The following FBXL2 variants were observed in gnomAD, a reference collection of about 807,000 sequenced individuals.
FBXL2 encodes the protein F-box/LRR-repeat protein 2.
FBXL2 carries 38 observed loss-of-function variants against 69.2 expected under a neutral mutation model. That is an observed-to-expected ratio of 0.55 (90% CI 0.42 to 0.72). The LOEUF is 0.72. FBXL2 is among the 30% of genes least tolerant of loss of function. The probability of loss-of-function intolerance (pLI) is 0.00; values close to 1 mark genes in which losing one functional copy is unlikely to be tolerated. For missense variants in FBXL2, 354 were observed against 520.3 expected (o/e 0.68, Z 3.11); for synonymous variants, 192 against 201.3 (o/e 0.95, Z 0.39).
At chr3:33,414,458 G>C in the FBXL2 span, among the ~76,000 whole-genome samples, 16 of 152,098 alleles carry the variant, frequency 1.1e-4, 1 homozygote, top group Admixed American at 1.0e-3. Context: ...GACGAAAACA[G>C]AACAATCAGA....
chr3:33,412,687 C>A, the FBXL2 span: 1 of 1,333,156 alleles, frequency 7.5e-7, no homozygotes, highest in Non-Finnish European at 1.1e-6. Flanking sequence ...TAAACAATAC[C>A]CTCATCTCCA....
chr3:33,376,251 T>C (rs1275732687), intron 10 of FBXL2, among the ~76,000 whole-genome samples: 2 of 152,208 alleles, frequency 1.3e-5, no homozygotes, highest in East Asian at 1.9e-4. Context: ...TTAACAATGG[T>C]AACAATAGTT....
chr3:33,407,028 A>C (rs1169871169), downstream of FBXL2, among the ~76,000 whole-genome samples: 1 of 152,218 alleles, frequency 6.6e-6, no homozygotes, highest in Non-Finnish European at 1.5e-5. Context: ...ACTCTATGAA[A>C]TGTTGGCCTT....
intron 2 of FBXL2, among the ~76,000 whole-genome samples, chr3:33,313,114 G>A (rs528061539): frequency 2.2e-5 from 3 of 134,638 alleles, no homozygotes; most frequent in African/African-American, 3.1e-5. Flanking sequence ...GTGAGACTCC[G>A]TCTCCAAGAA....
the FBXL2 span, among the ~76,000 whole-genome samples, chr3:33,413,793 G>A: frequency 1.8e-4 from 28 of 152,190 alleles, no homozygotes; most frequent in African/African-American, 6.7e-4. Context: ...CACACCTGCA[G>A]GGCCTGTCCA....
At chr3:33,301,797 A>G (rs567681005) in intron 2 of FBXL2, among the ~76,000 whole-genome samples, 1 of 152,232 alleles carries the variant, frequency 6.6e-6, no homozygotes, top group East Asian at 1.9e-4. Context: ...TGCAACCATT[A>G]TCTATTAGTG....
chr3:33,313,572 A>C (rs1319379138), intron 2 of FBXL2, among the ~76,000 whole-genome samples: 1 of 151,828 alleles, frequency 6.6e-6, no homozygotes, highest in Non-Finnish European at 1.5e-5. Context: ...CAGCCTTCCA[A>C]GCATCTGGGA....
At chr3:33,378,045 A>G (rs2042758933) in intron 11 of FBXL2, 58 bp from the exon 12 acceptor site, 5 of 1,545,028 alleles carry the variant, frequency 3.2e-6, no homozygotes, top group Non-Finnish European at 4.5e-6. Context: ...AGGGCAAGCC[A>G]CCATTGTTGC....
chr3:33,357,192 G>A lies in FBXL2; in HGVS notation c.66-1775G>A, dbSNP rs76233423. Among the ~76,000 whole-genome samples, 1,052 of 152,326 alleles carry A rather than the reference G, an allele frequency of 6.9e-3. 5 individuals carry two copies. Among genetic ancestry groups the A allele is most frequent in the Admixed American group, 0.011 (161 of 15,292 alleles). Reference sequence around the variant, plus strand: ...TTACCAGTATTGTTATTACTGAGACGTGATAAAGGTGGTATGCTCTTAAGG... The same window carrying A: ...TTACCAGTATTGTTATTACTGAGACATGATAAAGGTGGTATGCTCTTAAGG... On this transcript the variant is annotated intron_variant, in intron 2 of 14. Coordinates refer to ENST00000484457, the MANE Select transcript of FBXL2 (RefSeq NM_012157.5).
chr3:33,339,075 CACAA>C (rs374243047), intron 2 of FBXL2, among the ~76,000 whole-genome samples: 113 of 151,906 alleles, frequency 7.4e-4, no homozygotes, highest in Admixed American at 1.5e-3. Context: ...TAAATAAATT[CACAA>C]ACAAACAAAC....
chr3:33,397,346 A>C (rs1367140448), intron 12 of FBXL2: 1 of 402,490 alleles, frequency 2.5e-6, no homozygotes, highest in Admixed American at 4.4e-5. Flanking sequence ...ATCAAGAAGG[A>C]GCTTAGAAGT....
chr3:33,358,634 T>C (rs2041388245), intron 2 of FBXL2, among the ~76,000 whole-genome samples: 1 of 152,214 alleles, frequency 6.6e-6, no homozygotes, highest in African/African-American at 2.4e-5. Context: ...GTTCAGTGCA[T>C]CTACCACCAA....
At chr3:33,418,074 C>G in the FBXL2 span, among the ~76,000 whole-genome samples, 1 of 151,996 alleles carries the variant, frequency 6.6e-6, no homozygotes. Flanking sequence ...GATATATGCA[C>G]TATATTTAAC....
At chr3:33,422,562 ATT>A in the FBXL2 span, among the ~76,000 whole-genome samples, 1 of 151,746 alleles carries the variant, frequency 6.6e-6, no homozygotes, top group Non-Finnish European at 1.5e-5. Flanking sequence ...CTCTACGAAA[ATT>A]TTTTTTAAAA....
At chr3:33,348,760 G>GT (rs953066924) in intron 2 of FBXL2, among the ~76,000 whole-genome samples, 15 of 151,724 alleles carry the variant, frequency 9.9e-5, no homozygotes, top group African/African-American at 3.1e-4. Context: ...ATATCTTTCT[G>GT]TTTTTTTGTG....
At chr3:33,277,167 C>T (rs1037724832), upstream of FBXL2, 5 of 274,620 alleles carry the variant, frequency 1.8e-5, no homozygotes, top group Non-Finnish European at 3.2e-5. Flanking sequence ...TCATGCATTA[C>T]CTGTATAACG....
intron 1 of FBXL2, chr3:33,289,718 G>C (rs1364742085): frequency 1.0e-6 from 1 of 984,930 alleles, no homozygotes; most frequent in Non-Finnish European, 1.2e-6. Context: ...CTTTTCCCAT[G>C]GGCCTTCAAT....
At chr3:33,372,780 T>C (rs1305981846) in intron 5 of FBXL2, 3 of 476,522 alleles carry the variant, frequency 6.3e-6, no homozygotes, top group East Asian at 7.8e-5. Flanking sequence ...TCTATTCTCA[T>C]GATTCGGTGA....
At chr3:33,324,241 A>C (rs2038492885) in intron 2 of FBXL2, among the ~76,000 whole-genome samples, 1 of 151,938 alleles carries the variant, frequency 6.6e-6, no homozygotes, top group African/African-American at 2.4e-5. Context: ...ATGTTCTCCC[A>C]TTCTGTAGGT....
Sources: gnomAD v4.1 joint callset for allele counts (sites outside exome capture counted in the v4.1 genomes callset) on GRCh38, gnomAD v4.1.1 for gene constraint, MANE v1.5 for transcripts, NCBI Gene and HGNC (gene_info 2026-07-23, HGNC 2026-07-21) for gene names.